Variants in ABCC4 observed in about 807,000 individuals in gnomAD.
The protein encoded by ABCC4 is ATP binding cassette subfamily C member 4 (PEL blood group).
A neutral mutation model predicts 168.5 loss-of-function variants in ABCC4; 102 were observed. The observed-to-expected ratio is 0.61, with a 90% CI of 0.52 to 0.71. ABCC4 has a LOEUF of 0.71. Among genes scored for constraint, ABCC4 ranks in the 30% least tolerant of loss-of-function variants. The pLI is 0.00. For missense variants in ABCC4, 1,402 were observed against 1,605.8 expected, an observed-to-expected ratio of 0.87 and a Z score of 2.17; for synonymous variants, 617 against 590.7, an observed-to-expected ratio of 1.04 and a Z score of -0.65.
intron 15 of ABCC4, among the ~76,000 whole-genome samples, 184 bp from the exon 16 acceptor site, chr13:95,164,702 AT>A (rs372350062): frequency 1.3e-5 from 2 of 151,096 alleles, no homozygotes; most frequent in Non-Finnish European, 3.0e-5. Flanking sequence ...TATTTATTTA[AT>A]TTTTTTTTGA....
intron 19 of ABCC4, among the ~76,000 whole-genome samples, chr13:95,147,972 C>CA (rs945588920): frequency 9.2e-5 from 14 of 151,692 alleles, no homozygotes; most frequent in African/African-American, 2.2e-4. Flanking sequence ...TGCAAACAAA[C>CA]AAAAAAAATA....
At chr13:95,057,583 G>C (rs1171774495) in intron 26 of ABCC4, among the ~76,000 whole-genome samples, 1 of 152,172 alleles carries the variant, frequency 6.6e-6, no homozygotes, top group Non-Finnish European at 1.5e-5. Context: ...CCCTGACTAT[G>C]TATGTCATCA....
chr13:95,287,320 G>A (rs1212964059), intron 1 of ABCC4, among the ~76,000 whole-genome samples: 2 of 151,500 alleles, frequency 1.3e-5, no homozygotes, highest in African/African-American at 2.4e-5. Flanking sequence ...CAGGGATGGT[G>A]GCTCACGCCT....
At chr13:95,023,009 A>G (rs1396225373) in intron 30 of ABCC4, among the ~76,000 whole-genome samples, 1 of 152,252 alleles carries the variant, frequency 6.6e-6, no homozygotes, top group Non-Finnish European at 1.5e-5. Context: ...AAGACTTTTC[A>G]GGGGATAATT....
intron 19 of ABCC4, among the ~76,000 whole-genome samples, chr13:95,151,477 GA>G (rs1263337005): frequency 9.5e-4 from 78 of 81,764 alleles, no homozygotes; most frequent in Admixed American, 2.5e-3. Flanking sequence ...TCTGTCTCAA[GA>G]AAAAAAAAAA....
At chr13:95,177,129 T>C (rs1352569554) in intron 13 of ABCC4, among the ~76,000 whole-genome samples, 1 of 152,238 alleles carries the variant, frequency 6.6e-6, no homozygotes, top group Non-Finnish European at 1.5e-5. Flanking sequence ...CATTAGATTC[T>C]TGAAACCACA....
At chr13:95,261,757 A>T (rs1475058965) in intron 1 of ABCC4, among the ~76,000 whole-genome samples, 1 of 152,178 alleles carries the variant, frequency 6.6e-6, no homozygotes, top group Non-Finnish European at 1.5e-5. Context: ...AACAGTCAAA[A>T]ATCTACTGCA....
chr13:95,163,513 G>A, intron 17 of ABCC4, 97 bp downstream of exon 17: 3 of 1,155,564 alleles, frequency 2.6e-6, no homozygotes, highest in Middle Eastern at 2.0e-4. Flanking sequence ...AGGATTAGAA[G>A]AGAAGGATCA....
intron 1 of ABCC4, among the ~76,000 whole-genome samples, chr13:95,259,052 A>G (rs9590223): frequency 0.11 from 17,232 of 151,938 alleles, 1,227 homozygotes; most frequent in African/African-American, 0.19. Context: ...GGGAGACACA[A>G]TGACAGATCT....
chr13:95,083,825 C>T (rs1349280714), intron 20 of ABCC4, among the ~76,000 whole-genome samples: 1 of 152,064 alleles, frequency 6.6e-6, no homozygotes, highest in Non-Finnish European at 1.5e-5. Flanking sequence ...ACCAGGCCCC[C>T]ATTAGTTCTT....
At chr13:95,252,836 A>T (rs1027767575) in intron 1 of ABCC4, among the ~76,000 whole-genome samples, 6 of 152,192 alleles carry the variant, frequency 3.9e-5, no homozygotes, top group Admixed American at 2.6e-4. Context: ...ATCTATAAAG[A>T]GAGTGAAATA....
At chr13:95,158,320 CATAAA>C (rs1465688650) in intron 19 of ABCC4, among the ~76,000 whole-genome samples, 2 of 152,024 alleles carry the variant, frequency 1.3e-5, no homozygotes, top group Non-Finnish European at 2.9e-5. Flanking sequence ...TGGGAGTGGA[CATAAA>C]ATAATGGAGA....
chr13:95,214,432 TGAA>T (rs534067209), intron 4 of ABCC4, among the ~76,000 whole-genome samples: 103 of 152,172 alleles, frequency 6.8e-4, no homozygotes, highest in Non-Finnish European at 4.4e-4. Context: ...ATTTACATAA[TGAA>T]GAATCTTAGC....
chr13:95,240,112 G>A (rs1340419519), intron 3 of ABCC4, among the ~76,000 whole-genome samples: 1 of 152,122 alleles, frequency 6.6e-6, no homozygotes, highest in South Asian at 2.1e-4. Context: ...ACTAACTTCT[G>A]GTACCAGATG....
intron 1 of ABCC4, among the ~76,000 whole-genome samples, chr13:95,248,329 G>A (rs1456662105): frequency 6.6e-6 from 1 of 152,162 alleles, no homozygotes; most frequent in East Asian, 1.9e-4. Context: ...GATAAAGAAT[G>A]ATGAGGTTAG....
At chr13:95,153,083 G>A (rs2036742170) in intron 19 of ABCC4, among the ~76,000 whole-genome samples, 1 of 152,088 alleles carries the variant, frequency 6.6e-6, no homozygotes. Flanking sequence ...AATATCATTA[G>A]GTTATTCCAG....
At chr13:95,087,059 T>G (rs1005852795) in intron 20 of ABCC4, among the ~76,000 whole-genome samples, 1 of 152,066 alleles carries the variant, frequency 6.6e-6, no homozygotes, top group African/African-American at 2.4e-5. Context: ...AAAGCAGGGT[T>G]CACTTCTTGG....
chr13:95,044,553 GAC>G, intron 27 of ABCC4, 115 bp from the exon 28 acceptor site: 2 of 844,162 alleles, frequency 2.4e-6, no homozygotes, highest in Non-Finnish European at 3.4e-6. Context: ...AACTTAAGTG[GAC>G]ACACACATGA....
intron 1 of ABCC4, among the ~76,000 whole-genome samples, chr13:95,299,473 T>C (rs1240701559): frequency 6.6e-6 from 1 of 152,128 alleles, no homozygotes; most frequent in Non-Finnish European, 1.5e-5. Context: ...CGACTCATCC[T>C]CTTGGAATCC....
Sources: gnomAD v4.1 joint callset for allele counts (sites outside exome capture counted in the v4.1 genomes callset) on GRCh38, gnomAD v4.1.1 for gene constraint, MANE v1.5 for transcripts, NCBI Gene and HGNC (gene_info 2026-07-23, HGNC 2026-07-21) for gene names.